The following AFF3 variants were observed in gnomAD, a reference collection of about 807,000 sequenced individuals.
AFF3 encodes the protein AF4/FMR2 family member 3.
Under a neutral mutation model 129.7 loss-of-function variants are expected in AFF3, and 32 were observed. That is an observed-to-expected ratio of 0.25 (90% CI 0.19 to 0.33). The LOEUF (loss-of-function observed/expected upper bound fraction) is 0.33, where lower values mean the gene tolerates loss of function less well. Ranked by LOEUF, AFF3 falls within the 10% of genes least tolerant of loss-of-function variation. The pLI, the probability that AFF3 is intolerant of heterozygous loss-of-function variation, is 1.00. For missense variants in AFF3, 1,373 were observed against 1,592.0 expected (o/e 0.86, Z 2.34); for synonymous variants, 644 against 635.4 (o/e 1.01, Z -0.20).
intron 13 of AFF3, among the ~76,000 whole-genome samples, chr2:99,629,358 T>C (rs1194869733): frequency 6.6e-6 from 1 of 152,144 alleles, no homozygotes; most frequent in East Asian, 1.9e-4. Context: ...CATTCCTATA[T>C]ACCAACAATA....
chr2:99,857,150 A>G (rs1046854522), intron 7 of AFF3, among the ~76,000 whole-genome samples: 2 of 152,186 alleles, frequency 1.3e-5, no homozygotes, highest in African/African-American at 4.8e-5. Flanking sequence ...CTTACAGAGA[A>G]ACATCTGTGA....
intron 12 of AFF3, among the ~76,000 whole-genome samples, chr2:99,668,413 GCTCT>G (rs1686868813): frequency 6.6e-6 from 1 of 151,564 alleles, no homozygotes; most frequent in South Asian, 2.1e-4. Context: ...CTCATGATCT[GCTCT>G]CCTCAGCCTC....
rs35573862 is a variant in AFF3 at position 99,896,620 on chromosome 2, C to CTTTTTTTTTTTTTTTTTT, written c.874-59114_874-59097dup. Among the ~76,000 whole-genome samples the CTTTTTTTTTTTTTTTTTT allele has an allele frequency of 5.5e-5, 2 of 36,074 alleles. 1 individual carries two copies. The allele number at this position is 36,074 out of a possible 152,430, so 23.7% of individuals were successfully genotyped here. On this transcript the variant is annotated intron_variant, in intron 7 of 24. Transcript: ENST00000672756. Reference sequence around the variant, plus strand: ...GATCATTTACTTCCCTGTCAAAATGCTTTTTTTTTTTTTTTTTTTTTTTTT... The same window carrying CTTTTTTTTTTTTTTTTTT: ...GATCATTTACTTCCCTGTCAAAATGCTTTTTTTTTTTTTTTTTTTTTTTTTTTTTTTTTTTTTTTTTTT...
chr2:99,671,515 C>T (rs926485812), intron 12 of AFF3, among the ~76,000 whole-genome samples: 7 of 152,178 alleles, frequency 4.6e-5, no homozygotes, highest in South Asian at 4.2e-4. Context: ...CACTCTTCCT[C>T]GAAATTCTCC....
chr2:100,062,270 C>T (rs915558356), intron 4 of AFF3, among the ~76,000 whole-genome samples: 7 of 152,162 alleles, frequency 4.6e-5, no homozygotes, highest in East Asian at 1.9e-4. Context: ...GAGGAGCACA[C>T]GGAGTGCCCA....
intron 4 of AFF3, among the ~76,000 whole-genome samples, chr2:100,067,999 A>G (rs887232593): frequency 2.0e-5 from 3 of 152,200 alleles, no homozygotes; most frequent in South Asian, 2.1e-4. Flanking sequence ...AGGGTTCAAT[A>G]TAGGAGAAAA....
At chr2:100,064,686 C>T (rs368591145) in intron 4 of AFF3, among the ~76,000 whole-genome samples, 1 of 152,204 alleles carries the variant, frequency 6.6e-6, no homozygotes, top group Non-Finnish European at 1.5e-5. Flanking sequence ...TCAAAAACCA[C>T]AATCATCTTG....
At chr2:99,812,881 C>T (rs1324750628) in intron 8 of AFF3, among the ~76,000 whole-genome samples, 1 of 152,048 alleles carries the variant, frequency 6.6e-6, no homozygotes, top group Non-Finnish European at 1.5e-5. Flanking sequence ...TGGAACAAAT[C>T]GTGTTATTAT....
chr2:100,128,173 G>A (rs770716153), intron 2 of AFF3, among the ~76,000 whole-genome samples: 1 of 152,148 alleles, frequency 6.6e-6, no homozygotes, highest in Non-Finnish European at 1.5e-5. Context: ...CCATAAAAAT[G>A]GGCAACCAGC....
At chr2:99,624,758 A>T (rs1682378877) in intron 13 of AFF3, among the ~76,000 whole-genome samples, 1 of 152,224 alleles carries the variant, frequency 6.6e-6, no homozygotes. Flanking sequence ...ACTCAGCAAA[A>T]ATACAAATTA....
chr2:99,880,060 T>G (rs1442135504), intron 7 of AFF3, among the ~76,000 whole-genome samples: 1 of 152,212 alleles, frequency 6.6e-6, no homozygotes, highest in African/African-American at 2.4e-5. Context: ...ATTTGAAGTA[T>G]TAGCAGCAAG....
At chr2:99,669,383 T>C (rs1686958197) in intron 12 of AFF3, among the ~76,000 whole-genome samples, 1 of 152,154 alleles carries the variant, frequency 6.6e-6, no homozygotes, top group African/African-American at 2.4e-5. Context: ...GATACAGCAA[T>C]GAAAATGAAC....
chr2:99,560,277 G>A, intron 21 of AFF3, 88 bp downstream of exon 21: 1 of 1,392,300 alleles, frequency 7.2e-7, no homozygotes. Context: ...AGAAGACATT[G>A]GGCAAACACT....
At chr2:99,649,733 C>A in intron 12 of AFF3, 67 bp from the exon 13 acceptor site, 2 of 1,575,098 alleles carry the variant, frequency 1.3e-6, no homozygotes, top group East Asian at 2.2e-5. Context: ...GCTCAATGAA[C>A]ACTTAAAAAA....
intron 7 of AFF3, among the ~76,000 whole-genome samples, chr2:99,936,479 C>T (rs572176891): frequency 6.6e-5 from 10 of 152,206 alleles, no homozygotes; most frequent in East Asian, 1.9e-4. Flanking sequence ...AGAGGAAAGG[C>T]GTTCTTGTTA....
At chr2:99,868,282 GA>G (rs1240680284) in intron 7 of AFF3, among the ~76,000 whole-genome samples, 1 of 152,066 alleles carries the variant, frequency 6.6e-6, no homozygotes, top group Non-Finnish European at 1.5e-5. Flanking sequence ...TAGATCTTTT[GA>G]TTTTTTTTTA....
chr2:99,916,826 A>G (rs1200534585), intron 7 of AFF3, among the ~76,000 whole-genome samples: 1 of 151,982 alleles, frequency 6.6e-6, no homozygotes, highest in Admixed American at 6.6e-5. Flanking sequence ...ACAACAGGGG[A>G]AGGCTGTGAC....
intron 7 of AFF3, among the ~76,000 whole-genome samples, chr2:99,911,611 G>A (rs1474534907): frequency 6.6e-6 from 1 of 152,064 alleles, no homozygotes; most frequent in Non-Finnish European, 1.5e-5. Flanking sequence ...TGTAAATGCA[G>A]GTATTATGTA....
At position 99,712,664 on chromosome 2, in the gene AFF3, A is replaced by G. The variant is rs572187710; in HGVS notation, c.1091+14413T>C. ...TTGCGACACTTTTGCTTCAGTACAC[A>G]CATTCACAAAGGATACGGTATAAAA... is the stretch of plus-strand genomic sequence containing the variant. On this transcript the variant is annotated intron_variant, in intron 11 of 24. Transcript: ENST00000672756. 4.6e-5 allele frequency among the ~76,000 whole-genome samples: 7 copies of G among 152,350 alleles called. No homozygotes were observed. The East Asian group carries it at 1.4e-3, about 29-fold the overall frequency.
Sources: gnomAD v4.1 joint callset for allele counts (sites outside exome capture counted in the v4.1 genomes callset) on GRCh38, gnomAD v4.1.1 for gene constraint, MANE v1.5 for transcripts, NCBI Gene and HGNC (gene_info 2026-07-23, HGNC 2026-07-21) for gene names.